Variants in ARHGAP15 observed in about 807,000 individuals in gnomAD.
The protein encoded by ARHGAP15 is Rho GTPase activating protein 15.
In ARHGAP15, 51 loss-of-function variants were observed where a neutral mutation model predicts 63.7. That is an observed-to-expected ratio of 0.80 (90% CI 0.64 to 1.01). The LOEUF (loss-of-function observed/expected upper bound fraction) is 1.01. Among genes scored for constraint, ARHGAP15 ranks in the 50% least tolerant of loss-of-function variants. The pLI is 0.00. For missense variants in ARHGAP15, 560 were observed against 564.6 expected, an observed-to-expected ratio of 0.99 and a Z score of 0.08; for synonymous variants, 191 against 193.8, an observed-to-expected ratio of 0.99 and a Z score of 0.12.
intron 9 of ARHGAP15, among the ~76,000 whole-genome samples, chr2:143,502,724 C>A (rs1693120977): frequency 1.3e-5 from 2 of 152,044 alleles, no homozygotes; most frequent in African/African-American, 4.8e-5. Context: ...GGACTATAGG[C>A]ACCCACCACT....
chr2:143,561,793 C>T (rs1313810910), intron 11 of ARHGAP15, among the ~76,000 whole-genome samples: 1 of 152,016 alleles, frequency 6.6e-6, no homozygotes, highest in African/African-American at 2.4e-5. Context: ...TAAGCCACTG[C>T]GCCCGGCCGA....
chr2:143,467,242 C>CTTTTTTTTTTTT (rs202115707), intron 8 of ARHGAP15, among the ~76,000 whole-genome samples: 10 of 57,888 alleles, frequency 1.7e-4, no homozygotes, highest in East Asian at 9.5e-4. Flanking sequence ...ACTCCATGGC[C>CTTTTTTTTTTTT]TTTTTTTTTT....
intron 13 of ARHGAP15, among the ~76,000 whole-genome samples, chr2:143,743,489 T>C (rs1472150514): frequency 2.0e-5 from 3 of 152,176 alleles, no homozygotes; most frequent in African/African-American, 7.2e-5. Flanking sequence ...GCAGATGTTC[T>C]TTCCCTGCCT....
chr2:143,379,411 T>TA (rs955804473), intron 6 of ARHGAP15, among the ~76,000 whole-genome samples: 21 of 151,206 alleles, frequency 1.4e-4, no homozygotes, highest in African/African-American at 5.1e-4. Flanking sequence ...GAATTCATAG[T>TA]AAAATGACCC....
intron 8 of ARHGAP15, among the ~76,000 whole-genome samples, chr2:143,474,760 G>C (rs1691733084): frequency 6.6e-6 from 1 of 152,204 alleles, no homozygotes. Flanking sequence ...GTTCCCTCCA[G>C]ATTTAATATT....
At chr2:143,305,317 C>T (rs1683116450) in intron 6 of ARHGAP15, 1 of 81,234 alleles carries the variant, frequency 1.2e-5, no homozygotes, top group South Asian at 4.9e-4. Flanking sequence ...ACACTGGGGC[C>T]TGTCAGGGGG....
chr2:143,595,188 T>C (rs1007517391), intron 11 of ARHGAP15, among the ~76,000 whole-genome samples: 3 of 152,152 alleles, frequency 2.0e-5, no homozygotes, highest in African/African-American at 7.2e-5. Context: ...TCCCAAACCT[T>C]ATTAAAATCC....
chr2:143,270,349 G>C (rs1303101258), intron 6 of ARHGAP15, among the ~76,000 whole-genome samples: 1 of 152,144 alleles, frequency 6.6e-6, no homozygotes, highest in East Asian at 1.9e-4. Context: ...CTTTGAATAT[G>C]ATCTTCTTGG....
At chr2:143,477,424 A>C (rs1691872831) in intron 8 of ARHGAP15, among the ~76,000 whole-genome samples, 1 of 150,356 alleles carries the variant, frequency 6.7e-6, no homozygotes, top group Non-Finnish European at 1.5e-5. Context: ...TCATATTTTA[A>C]TCATTAATAT....
At chr2:143,542,652 T>C (rs911888278) in intron 10 of ARHGAP15, among the ~76,000 whole-genome samples, 7 of 142,358 alleles carry the variant, frequency 4.9e-5, no homozygotes, top group Non-Finnish European at 1.1e-4. Flanking sequence ...ATATATATGA[T>C]ATATATTATA....
At chr2:143,385,077 G>A (rs1034256906) in intron 6 of ARHGAP15, among the ~76,000 whole-genome samples, 1 of 152,212 alleles carries the variant, frequency 6.6e-6, no homozygotes, top group East Asian at 1.9e-4. Flanking sequence ...TAAAATTGAT[G>A]ACTGCTTCAG....
intron 1 of ARHGAP15, among the ~76,000 whole-genome samples, chr2:143,151,331 T>A (rs1049803582): frequency 6.6e-6 from 1 of 151,936 alleles, no homozygotes; most frequent in African/African-American, 2.4e-5. Flanking sequence ...GAGGCACCAT[T>A]TTCCAGAATG....
rs1356295033 is a variant in ARHGAP15, at chr2:143,250,418, ATGTATAGCTGCT to A, written c.385-92_385-81del. 28 of 938,662 alleles carry A rather than the reference ATGTATAGCTGCT, an allele frequency of 3.0e-5. No homozygotes were observed. The East Asian group carries it at 4.6e-4, about 16-fold the overall frequency. 58.1% of individuals were successfully genotyped at this position (938,662 alleles called of 1,614,324 possible). On this transcript the variant is annotated intron_variant, in intron 5 of 13. Coordinates refer to ENST00000295095, the MANE Select transcript of ARHGAP15 (RefSeq NM_018460.4). The stretch of plus-strand genomic sequence containing the variant: ...ACAAAAAAGGCATTATATCATAAAT[ATGTATAGCTGCT>A]AACTCAATAAACTCCTATTTCTCTG...
intron 6 of ARHGAP15, among the ~76,000 whole-genome samples, chr2:143,399,988 A>G (rs1687926139): frequency 6.6e-6 from 1 of 152,068 alleles, no homozygotes; most frequent in African/African-American, 2.4e-5. Context: ...ATCTGTTCAG[A>G]TCCTCAAAGT....
chr2:143,507,416 C>T (rs973749319), intron 9 of ARHGAP15, among the ~76,000 whole-genome samples: 14 of 152,100 alleles, frequency 9.2e-5, no homozygotes, highest in African/African-American at 3.4e-4. Context: ...TTATTACTTC[C>T]TATTGAAACT....
chr2:143,234,336 G>T (rs182916465), intron 5 of ARHGAP15, among the ~76,000 whole-genome samples: 16 of 152,166 alleles, frequency 1.1e-4, no homozygotes, highest in Admixed American at 9.8e-4. Context: ...GTATGTTTCT[G>T]CTGGTTCTTA....
Position 143,410,630 on chromosome 2 carries a change from A to C in ARHGAP15, c.475-24971A>C, listed in dbSNP as rs1028973919. 2.0e-5 allele frequency among the ~76,000 whole-genome samples: 3 copies of C among 152,290 alleles called. No individual in the cohort carries two copies. The South Asian group carries it at 6.2e-4, about 32-fold the overall frequency. ...ACATACAGAAAAGGACTCTGCTCCC[A>C]TGGAGTTTATATCCTAATTTAATGA... On this transcript the variant is annotated intron_variant, in intron 6 of 13. Coordinates refer to ENST00000295095, the MANE Select transcript of ARHGAP15 (RefSeq NM_018460.4).
intron 6 of ARHGAP15, among the ~76,000 whole-genome samples, chr2:143,368,979 A>G (rs562613842): frequency 9.6e-4 from 146 of 152,250 alleles, no homozygotes; most frequent in Middle Eastern, 3.4e-3. Flanking sequence ...AAAAATAACA[A>G]TATTAGAATG....
chr2:143,473,054 G>A (rs1217519997), intron 8 of ARHGAP15, among the ~76,000 whole-genome samples: 14 of 152,098 alleles, frequency 9.2e-5, no homozygotes, highest in Non-Finnish European at 1.5e-4. Flanking sequence ...AAACTAGAAC[G>A]TGAAGACCCA....
Sources: allele counts gnomAD v4.1 joint callset (sites outside exome capture counted in the v4.1 genomes callset), GRCh38; gene constraint gnomAD v4.1.1; transcripts MANE v1.5; gene names NCBI Gene and HGNC (gene_info 2026-07-23, HGNC 2026-07-21).